Variants in IRAG1 observed in about 807,000 individuals in gnomAD.
The protein encoded by IRAG1 is inositol 1,4,5-triphosphate receptor associated 1, also known as IP3R-associated cGMP kinase substrate.
A neutral mutation model predicts 106.2 loss-of-function variants in IRAG1; 62 were observed. The ratio of observed to expected loss-of-function variants is 0.58; its 90% CI spans 0.48 to 0.72. IRAG1 has a LOEUF of 0.72. IRAG1 is among the 30% of genes least tolerant of loss of function. The pLI is 0.00. For synonymous variants in IRAG1, 462 were observed against 443.9 expected (o/e 1.04, Z -0.51); for missense variants, 1,064 against 1,140.7 (o/e 0.93, Z 0.97).
At chr11:10,592,206 G>A (rs72861095) in intron 17 of IRAG1, among the ~76,000 whole-genome samples, 1,777 of 152,218 alleles carry the variant, frequency 0.012, 17 homozygotes, top group Middle Eastern at 0.02. Flanking sequence ...AAAAAGTATC[G>A]ATCCACTCCA....
At chr11:10,683,846 G>T (rs1313211792) in intron 1 of IRAG1, among the ~76,000 whole-genome samples, 1 of 144,380 alleles carries the variant, frequency 6.9e-6, no homozygotes, top group Non-Finnish European at 1.5e-5. Context: ...CATGACCAAA[G>T]AATACTTATT....
chr11:10,576,722 A>T, intron 20 of IRAG1, 147 bp from the exon 21 acceptor site: 1 of 950,586 alleles, frequency 1.1e-6, no homozygotes, highest in South Asian at 1.5e-5. Flanking sequence ...GTTGGCAGCA[A>T]TTGTTCAAAA....
Position 10,573,611 on chromosome 11 carries a change from A to C in IRAG1, c.*2721T>G, listed in dbSNP as rs1310426930. The stretch of plus-strand genomic sequence containing the variant: ...CTTTTCCTCGACCTCCCTTGCTTAC[A>C]AATGGAATAGGGTGGGAGAGGGCCT... On this transcript the variant is annotated 3_prime_UTR_variant, in exon 21 of 21. Transcript: ENST00000423302. The C allele has an allele frequency of 2.0e-5, 3 of 152,206 alleles. No individual in the cohort carries two copies. The highest frequency in any genetic ancestry group is 7.2e-5 in the African/African-American group (3 of 41,440). 9.4% of individuals were successfully genotyped at this position (152,206 alleles called of 1,614,324 possible).
intron 1 of IRAG1, chr11:10,687,566 C>CT (rs1861754003): frequency 1.6e-5 from 14 of 864,966 alleles, no homozygotes; most frequent in Non-Finnish European, 2.1e-5. Flanking sequence ...TGATATTAGT[C>CT]TCTGAATTCC....
In IRAG1 at chr11:10,665,478, T is replaced by TCAAATTTCTCAAATTCTCAAAA. The variant is rs1465181388; in HGVS notation, c.68-13297_68-13296insTTTTGAGAATTTGAGAAATTTG. Among the ~76,000 whole-genome samples the TCAAATTTCTCAAATTCTCAAAA allele has an allele frequency of 2.0e-5, 3 of 152,100 alleles. No homozygotes were observed. The highest frequency in any genetic ancestry group is 2.9e-5 in the Non-Finnish European group (2 of 68,028). On this transcript the variant is annotated intron_variant, in intron 1 of 20. Coordinates refer to ENST00000423302, the MANE Select transcript of IRAG1 (RefSeq NM_130385.4). This position sits in a 1 kb window ranked among gnomAD's most constrained non-coding sequence, Gnocchi z 4.2. ...TACACACCAAGATATGTTTGTTGAG[T>TCAAATTTCTCAAATTCTCAAAA]CAAATTTCAACCTTCAAATGATTTT...
In IRAG1 at chr11:10,652,074, T is replaced by C. The variant is rs1858564996; in HGVS notation, c.176A>G (p.Asp59Gly). The C allele has an allele frequency of 1.2e-6, 2 of 1,600,516 alleles. No individual in the cohort carries two copies. The highest frequency in any genetic ancestry group is 4.5e-5 in the East Asian group (2 of 44,176). The change falls in exon 2 of 21, where the codon GAC becomes GGC. Residue 59 changes from aspartate to glycine, a missense_variant. Transcript: ENST00000423302. ...QEAAMPHIPE[D>G]EEPPGEPQAA... Reference sequence around the variant, plus strand: ...CTGTGGCTCTCCGGGGGGCTCCTCGTCCTCGGGAATGTGGGGCATGGCAGC... The same window carrying C: ...CTGTGGCTCTCCGGGGGGCTCCTCGCCCTCGGGAATGTGGGGCATGGCAGC...
At chr11:10,586,563 G>A (rs1180466024) in intron 18 of IRAG1, among the ~76,000 whole-genome samples, 3 of 151,994 alleles carry the variant, frequency 2.0e-5, no homozygotes, top group South Asian at 2.1e-4. Context: ...GATTACAGGC[G>A]TGCACCATCA....
intron 1 of IRAG1, among the ~76,000 whole-genome samples, chr11:10,676,294 G>A (rs547252295): frequency 2.6e-5 from 4 of 152,356 alleles, no homozygotes; most frequent in African/African-American, 7.2e-5. Context: ...TGGTTGAGAG[G>A]ATGGCATGAG....
chr11:10,618,306 A>C (rs548213163), intron 10 of IRAG1, among the ~76,000 whole-genome samples: 1 of 152,246 alleles, frequency 6.6e-6, no homozygotes, highest in South Asian at 2.1e-4. Context: ...CTTTGTTCCC[A>C]GGTACTTTAT....
intron 1 of IRAG1, among the ~76,000 whole-genome samples, chr11:10,660,817 G>A (rs1032202516): frequency 2.0e-5 from 3 of 152,112 alleles, no homozygotes; most frequent in Non-Finnish European, 2.9e-5. Flanking sequence ...AGAAGTCACC[G>A]TGACTCCTTC....
At chr11:10,678,011 GTCTA>G (rs10606111) in intron 1 of IRAG1, among the ~76,000 whole-genome samples, 24,914 of 142,122 alleles carry the variant, frequency 0.18, 3,679 homozygotes, top group East Asian at 0.81. Flanking sequence ...CTCTCTATCT[GTCTA>G]TCTATCTATC....
chr11:10,604,272 C>G, intron 13 of IRAG1, 133 bp downstream of exon 13: 3 of 1,152,836 alleles, frequency 2.6e-6, no homozygotes, highest in South Asian at 3.2e-5. Context: ...CTCTGAGGAA[C>G]ACTGTCAGAG....
chr11:10,677,918 T>C (rs534712242), intron 1 of IRAG1, among the ~76,000 whole-genome samples: 20 of 152,244 alleles, frequency 1.3e-4, no homozygotes, highest in Non-Finnish European at 2.6e-4. Flanking sequence ...ACTTAGATAA[T>C]GTTTTTGAGG....
chr11:10,662,724 C>G (rs895008789), intron 1 of IRAG1, among the ~76,000 whole-genome samples: 1 of 152,204 alleles, frequency 6.6e-6, no homozygotes, highest in African/African-American at 2.4e-5. Context: ...AGAGCAGAGC[C>G]GGGAGGCTTT....
chr11:10,633,461 C>T (rs1162733116), intron 3 of IRAG1, among the ~76,000 whole-genome samples: 1 of 152,170 alleles, frequency 6.6e-6, no homozygotes, highest in South Asian at 2.1e-4. Flanking sequence ...GAAACCAAGG[C>T]GGAGACATTC....
chr11:10,594,938 T>TTC, intron 15 of IRAG1, among the ~76,000 whole-genome samples: 2 of 152,168 alleles, frequency 1.3e-5, no homozygotes, highest in African/African-American at 2.4e-5. Flanking sequence ...AAATTTTTTT[T>TTC]TCTTTTGAGA....
chr11:10,677,996 T>C (rs1488964297), intron 1 of IRAG1, among the ~76,000 whole-genome samples: 2 of 142,912 alleles, frequency 1.4e-5, no homozygotes, highest in Admixed American at 1.4e-4. Context: ...TCCATCATTA[T>C]CTATCTCTCT....
At chr11:10,607,794 C>T (rs1854604193) in intron 11 of IRAG1, among the ~76,000 whole-genome samples, 1 of 152,146 alleles carries the variant, frequency 6.6e-6, no homozygotes, top group Non-Finnish European at 1.5e-5. Context: ...GATATGAGTG[C>T]CTTCCTGTCA....
At chr11:10,634,456 A>T (rs928314521) in intron 2 of IRAG1, among the ~76,000 whole-genome samples, 1 of 152,166 alleles carries the variant, frequency 6.6e-6, no homozygotes, top group African/African-American at 2.4e-5. Flanking sequence ...TACATTATTA[A>T]CTACAGTCAC....
Sources: gnomAD v4.1 joint callset for allele counts (sites outside exome capture counted in the v4.1 genomes callset) on GRCh38, gnomAD v4.1.1 for gene constraint, Gnocchi (gnomAD v3.1) non-coding constraint, MANE v1.5 for transcripts, NCBI Gene and HGNC (gene_info 2026-07-23, HGNC 2026-07-21) for gene names.